The following ADD3 variants were observed in gnomAD, a reference collection of about 807,000 sequenced individuals.
ADD3 encodes the protein adducin 3.
ADD3 carries 25 observed loss-of-function variants against 80.2 expected under a neutral mutation model. The observed-to-expected ratio is 0.31, with a 90% CI of 0.23 to 0.44. The LOEUF is 0.44. ADD3 is among the 20% of genes least tolerant of loss of function. The pLI is 1.00. For synonymous variants in ADD3, 284 were observed against 289.6 expected (o/e 0.98, Z 0.20); for missense variants, 829 against 847.5 (o/e 0.98, Z 0.27).
At chr10:110,011,071 A>C (rs962262792) in intron 1 of ADD3, among the ~76,000 whole-genome samples, 1 of 150,000 alleles carries the variant, frequency 6.7e-6, no homozygotes, top group Non-Finnish European at 1.5e-5. Context: ...CTAATTACTA[A>C]AGATACTAAA....
At chr10:110,002,612 T>C (rs2133683086), upstream of ADD3, among the ~76,000 whole-genome samples, 1 of 152,256 alleles carries the variant, frequency 6.6e-6, no homozygotes, top group Non-Finnish European at 1.5e-5. Flanking sequence ...CTATGAGTCT[T>C]TATGTTCTAC....
chr10:110,125,353 A>G (rs1431657819), intron 10 of ADD3, among the ~76,000 whole-genome samples: 1 of 152,180 alleles, frequency 6.6e-6, no homozygotes. Context: ...TAAAATGCCG[A>G]TTAGGGCTTG....
At chr10:110,041,421 C>T (rs1856345042) in intron 1 of ADD3, among the ~76,000 whole-genome samples, 1 of 152,110 alleles carries the variant, frequency 6.6e-6, no homozygotes, top group African/African-American at 2.4e-5. Context: ...GGATCCATTT[C>T]AATCCCGGCC....
intron 1 of ADD3, among the ~76,000 whole-genome samples, chr10:110,099,949 TAGAA>T (rs1192820794): frequency 2.0e-5 from 3 of 152,238 alleles, no homozygotes; most frequent in African/African-American, 7.2e-5. Flanking sequence ...CTGAAATACT[TAGAA>T]AGTATGACTT....
intron 1 of ADD3, among the ~76,000 whole-genome samples, chr10:110,016,002 T>C (rs760178407): frequency 3.3e-5 from 5 of 152,236 alleles, no homozygotes; most frequent in Non-Finnish European, 7.3e-5. Context: ...GATGATTTTA[T>C]ATTGTTTGAT....
At chr10:110,092,372 C>T (rs1377042320) in intron 1 of ADD3, among the ~76,000 whole-genome samples, 1 of 152,110 alleles carries the variant, frequency 6.6e-6, no homozygotes, top group Non-Finnish European at 1.5e-5. Flanking sequence ...TATATACCTT[C>T]GAATACTATG....
chr10:110,003,625 T>G (rs2132863686), upstream of ADD3, among the ~76,000 whole-genome samples: 1 of 152,260 alleles, frequency 6.6e-6, no homozygotes, highest in Admixed American at 6.5e-5. Flanking sequence ...GTCGAGAAAC[T>G]TGTTTAAGGT....
At chr10:110,070,498 G>A (rs1844535722) in intron 1 of ADD3, among the ~76,000 whole-genome samples, 1 of 152,186 alleles carries the variant, frequency 6.6e-6, no homozygotes, top group Non-Finnish European at 1.5e-5. Context: ...TACTGCTGTA[G>A]GTTGCAGAGA....
At chr10:110,126,324 A>G in intron 11 of ADD3, 93 bp from the exon 12 acceptor site, 7 of 931,678 alleles carry the variant, frequency 7.5e-6, no homozygotes, top group Non-Finnish European at 1.2e-5. Flanking sequence ...CACTCTGGAA[A>G]TGTCAAGTAG....
At chr10:110,100,133 G>T (rs1357257891) in intron 1 of ADD3, among the ~76,000 whole-genome samples, 1 of 152,120 alleles carries the variant, frequency 6.6e-6, no homozygotes, top group Non-Finnish European at 1.5e-5. Flanking sequence ...CAGACCATGA[G>T]ATCAGTAGTT....
intron 1 of ADD3, among the ~76,000 whole-genome samples, chr10:109,999,942 C>CAGG (rs1017117116): frequency 8.2e-5 from 11 of 134,224 alleles, no homozygotes. Context: ...TTTTTTGAGA[C>CAGG]AGAGTCTCAA....
intron 2 of ADD3, among the ~76,000 whole-genome samples, chr10:110,105,664 A>G (rs1849324302): frequency 6.6e-6 from 1 of 152,200 alleles, no homozygotes; most frequent in South Asian, 2.1e-4. Context: ...GGCACATGAC[A>G]TACTAACAGT....
chr10:110,063,108 A>C (rs919446645), intron 1 of ADD3, among the ~76,000 whole-genome samples: 1 of 152,176 alleles, frequency 6.6e-6, no homozygotes, highest in East Asian at 1.9e-4. Flanking sequence ...TTTTTTAACG[A>C]CTAGAAGGCC....
intron 1 of ADD3, among the ~76,000 whole-genome samples, chr10:110,042,575 G>A (rs1856489670): frequency 6.6e-6 from 1 of 151,866 alleles, no homozygotes; most frequent in Non-Finnish European, 1.5e-5. Context: ...CTTTAATCAG[G>A]AAATAGTCTA....
chr10:110,042,066 C>T (rs540636005), intron 1 of ADD3, among the ~76,000 whole-genome samples: 1 of 152,188 alleles, frequency 6.6e-6, no homozygotes, highest in South Asian at 2.1e-4. Flanking sequence ...GATTTTATGA[C>T]TTTATTTGTT....
At chr10:110,109,718 A>G (rs763391467) in intron 2 of ADD3, among the ~76,000 whole-genome samples, 4 of 152,222 alleles carry the variant, frequency 2.6e-5, no homozygotes, top group Admixed American at 2.0e-4. Context: ...CCATGTGTCC[A>G]GAAGTTTTCT....
At chr10:110,078,943 A>G (rs548467307) in intron 1 of ADD3, among the ~76,000 whole-genome samples, 34 of 152,350 alleles carry the variant, frequency 2.2e-4, no homozygotes, top group African/African-American at 7.7e-4. Flanking sequence ...ATAGAAAATC[A>G]TAGTTAATAT....
At chr10:110,080,519 A>G (rs987433916) in intron 1 of ADD3, among the ~76,000 whole-genome samples, 3 of 152,228 alleles carry the variant, frequency 2.0e-5, no homozygotes, top group Non-Finnish European at 4.4e-5. Flanking sequence ...ATATCATTCT[A>G]TATTTTACAT....
At position 109,998,772 on chromosome 10, in the gene ADD3, C is replaced by G. The variant is rs117587606; in HGVS notation, n.79+2326C>G. The stretch of plus-strand genomic sequence containing the variant: ...CTCCAGCTGCCGACTACAGATCATT[C>G]AGGTCTCAGCTCAAATGTCACCTCC... On this transcript the variant is annotated intron_variant and non_coding_transcript_variant, in intron 1 of 5. Coordinates refer to the ADD3 transcript ENST00000468251. Among the ~76,000 whole-genome samples, 988 of 152,260 alleles carry G rather than the reference C, an allele frequency of 6.5e-3. 6 individuals carry two copies. Among genetic ancestry groups the G allele is most frequent in the Non-Finnish European group, 9.9e-3 (675 of 68,020 alleles).
Sources: gnomAD v4.1 joint callset for allele counts (sites outside exome capture counted in the v4.1 genomes callset) on GRCh38, gnomAD v4.1.1 for gene constraint, MANE v1.5 for transcripts, NCBI Gene and HGNC (gene_info 2026-07-23, HGNC 2026-07-21) for gene names.